PTPRD: variants seen among roughly 807,000 people sequenced by gnomAD.
PTPRD encodes protein tyrosine phosphatase receptor type D.
In PTPRD, 34 loss-of-function variants were observed where a neutral mutation model predicts 214.5. That is an observed-to-expected ratio of 0.16 (90% CI 0.12 to 0.21). PTPRD has a LOEUF of 0.21. PTPRD is among the 10% of genes least tolerant of loss of function. PTPRD has a pLI of 1.00. For missense variants in PTPRD, 2,545 were observed against 2,398.7 expected (o/e 1.06, Z -1.27); for synonymous variants, 1,128 against 845.7 (o/e 1.33, Z -5.79).
chr9:9,742,359 T>A (rs1746812), intron 6 of PTPRD, among the ~76,000 whole-genome samples: 72,915 of 151,538 alleles, frequency 0.48, 20,532 homozygotes, highest in African/African-American at 0.78. Flanking sequence ...TAAAAAGAAA[T>A]GTGACCTTCA....
intron 10 of PTPRD, among the ~76,000 whole-genome samples, chr9:9,021,081 G>T (rs1427200133): frequency 6.6e-6 from 1 of 151,952 alleles, no homozygotes; most frequent in Admixed American, 6.6e-5. Flanking sequence ...ATCCTCAAAG[G>T]TCTCTAAATG....
intron 9 of PTPRD, among the ~76,000 whole-genome samples, chr9:9,286,874 ATATATATATATATATAT>A (rs1949575104): frequency 1.4e-3 from 1 of 726 alleles, no homozygotes; most frequent in Non-Finnish European, 3.0e-3. Flanking sequence ...AAACTACTGA[ATATATATATATATATAT>A]ATATATATAT....
chr9:8,475,339 G>A (rs896265216), intron 30 of PTPRD, among the ~76,000 whole-genome samples: 1 of 152,028 alleles, frequency 6.6e-6, no homozygotes, highest in Non-Finnish European at 1.5e-5. Context: ...ATATTCTTCT[G>A]TTATTTCTAT....
chr9:9,768,086 G>T (rs1401741274), intron 5 of PTPRD, among the ~76,000 whole-genome samples: 1 of 152,056 alleles, frequency 6.6e-6, no homozygotes, highest in Non-Finnish European at 1.5e-5. Context: ...TATGCTTGTG[G>T]TTTTATACAT....
At chr9:9,910,493 T>C (rs1366030143) in intron 5 of PTPRD, among the ~76,000 whole-genome samples, 2 of 152,050 alleles carry the variant, frequency 1.3e-5, no homozygotes, top group East Asian at 3.8e-4. Flanking sequence ...AAAACATACG[T>C]ACTCCTCTTG....
intron 11 of PTPRD, among the ~76,000 whole-genome samples, chr9:8,770,171 C>T (rs1490481173): frequency 2.6e-5 from 4 of 151,980 alleles, no homozygotes; most frequent in African/African-American, 7.2e-5. Context: ...ATCCCAGCTA[C>T]TCGGGGGGCT....
intron 3 of PTPRD, among the ~76,000 whole-genome samples, chr9:10,129,144 T>C (rs1049596085): frequency 1.3e-5 from 2 of 152,132 alleles, no homozygotes; most frequent in African/African-American, 4.8e-5. Context: ...TTGCTGCTTC[T>C]TGTTTGTGTA....
chr9:10,062,420 A>G (rs1175745902), intron 3 of PTPRD, among the ~76,000 whole-genome samples: 1 of 152,048 alleles, frequency 6.6e-6, no homozygotes, highest in African/African-American at 2.4e-5. Context: ...AGCCTGGCCA[A>G]CATGGTGAAA....
intron 11 of PTPRD, among the ~76,000 whole-genome samples, chr9:8,853,820 T>C (rs2097862204): frequency 3.3e-5 from 5 of 152,164 alleles, no homozygotes; most frequent in Admixed American, 2.0e-4. Context: ...AAGCTGCCTC[T>C]TTGCCATCAC....
chr9:8,544,152 G>C (rs2079212886), intron 14 of PTPRD, among the ~76,000 whole-genome samples: 1 of 147,960 alleles, frequency 6.8e-6, no homozygotes, highest in African/African-American at 2.5e-5. Flanking sequence ...CAAAAGTAAG[G>C]TTTTGCCATT....
intron 11 of PTPRD, among the ~76,000 whole-genome samples, chr9:8,761,798 G>C (rs1185135944): frequency 6.6e-6 from 1 of 152,076 alleles, no homozygotes; most frequent in Non-Finnish European, 1.5e-5. Context: ...TCATTTTAAA[G>C]GTCACTAAAT....
chr9:8,398,181 T>G (rs2091640845), intron 36 of PTPRD, among the ~76,000 whole-genome samples: 1 of 152,172 alleles, frequency 6.6e-6, no homozygotes, highest in Non-Finnish European at 1.5e-5. Flanking sequence ...CAATTCCCAA[T>G]ATTTATTATG....
Position 9,927,897 on chromosome 9 carries a change from G to C in PTPRD, c.-368+10610C>G, listed in dbSNP as rs549713789. On this transcript the variant is annotated intron_variant, in intron 5 of 45. Coordinates refer to ENST00000381196, the MANE Select transcript of PTPRD (RefSeq NM_002839.4). ...ACACGGGAAGAAAATGCAGTTGAGA[G>C]GTTGGCGAGTAGAAAGCTAATTCAC... is the stretch of plus-strand genomic sequence containing the variant. 5.3e-5 allele frequency among the ~76,000 whole-genome samples: 8 copies of C among 152,184 alleles called. No individual in the cohort carries two copies. The South Asian group carries it at 1.4e-3, about 28-fold the overall frequency.
intron 3 of PTPRD, among the ~76,000 whole-genome samples, chr9:10,073,596 A>C (rs567229676): frequency 8.5e-5 from 13 of 152,250 alleles, no homozygotes; most frequent in African/African-American, 2.9e-4. Flanking sequence ...GAAAGATGGC[A>C]GTTGGAAGAT....
intron 5 of PTPRD, among the ~76,000 whole-genome samples, chr9:9,863,323 G>A (rs1449381267): frequency 6.6e-6 from 1 of 152,142 alleles, no homozygotes; most frequent in Non-Finnish European, 1.5e-5. Flanking sequence ...ATTGATAAAG[G>A]AAAGAGTCAA....
At chr9:10,117,867 T>C (rs1412826231) in intron 3 of PTPRD, among the ~76,000 whole-genome samples, 3 of 152,052 alleles carry the variant, frequency 2.0e-5, no homozygotes, top group Admixed American at 6.6e-5. Flanking sequence ...GCCTTCCCAA[T>C]GCTTTCATGG....
chr9:10,145,332 G>T (rs1243069429), intron 3 of PTPRD, among the ~76,000 whole-genome samples: 1 of 151,964 alleles, frequency 6.6e-6, no homozygotes, highest in African/African-American at 2.4e-5. Flanking sequence ...ATCTTCTTCT[G>T]CCTCCGCCAC....
At chr9:8,352,381 G>C (rs1446606458) in intron 39 of PTPRD, among the ~76,000 whole-genome samples, 1 of 152,158 alleles carries the variant, frequency 6.6e-6, no homozygotes, top group Admixed American at 6.5e-5. Flanking sequence ...TGATGCTACG[G>C]AAGTTTAGAG....
At chr9:8,797,255 C>T (rs1005629899) in intron 11 of PTPRD, 1 of 152,092 alleles carries the variant, frequency 6.6e-6, no homozygotes, top group Admixed American at 6.6e-5. Context: ...AATCCTAATA[C>T]GATTGCCTTA....
Sources: gnomAD v4.1 joint callset for allele counts (sites outside exome capture counted in the v4.1 genomes callset) on GRCh38, gnomAD v4.1.1 for gene constraint, MANE v1.5 for transcripts, NCBI Gene and HGNC (gene_info 2026-07-23, HGNC 2026-07-21) for gene names.